GPC5: variants seen among roughly 807,000 people sequenced by gnomAD.
GPC5 encodes glypican-5.
GPC5 carries 47 observed loss-of-function variants against 53.9 expected under a neutral mutation model. That is an observed-to-expected ratio of 0.87 (90% CI 0.69 to 1.11). The LOEUF is 1.11. GPC5 is among the 50% of genes most tolerant of loss of function. The pLI is 0.00. For missense variants in GPC5, 748 were observed against 713.1 expected, an observed-to-expected ratio of 1.05 and a Z score of -0.56; for synonymous variants, 286 against 263.3, an observed-to-expected ratio of 1.09 and a Z score of -0.84.
intron 6 of GPC5, among the ~76,000 whole-genome samples, chr13:92,016,751 A>T (rs1371283117): frequency 6.8e-6 from 1 of 148,124 alleles, no homozygotes; most frequent in African/African-American, 2.5e-5. Flanking sequence ...CTTTTGAGCC[A>T]GAGTTTTGCT....
chr13:92,025,222 T>C (rs1897110713), intron 6 of GPC5, among the ~76,000 whole-genome samples: 1 of 152,174 alleles, frequency 6.6e-6, no homozygotes, highest in African/African-American at 2.4e-5. Flanking sequence ...TAGTTAAGAT[T>C]CTTAACAATT....
chr13:92,297,785 C>T (rs1303539800), intron 7 of GPC5, among the ~76,000 whole-genome samples: 3 of 152,032 alleles, frequency 2.0e-5, no homozygotes, highest in Non-Finnish European at 4.4e-5. Flanking sequence ...TGGCAACCCG[C>T]TCGGGTCCCC....
At chr13:92,252,472 A>AT (rs1243294090) in intron 7 of GPC5, among the ~76,000 whole-genome samples, 1 of 151,952 alleles carries the variant, frequency 6.6e-6, no homozygotes, top group Non-Finnish European at 1.5e-5. Flanking sequence ...ATACTTTTTT[A>AT]TTTTTTGTGC....
In GPC5 at chr13:92,866,553, T is replaced by C; in HGVS notation, c.*114T>C. ...TAACAATTATATTTATGAAAAGATATGTTACACTAACTTCTCAGAAGCCAA... is the reference window on the plus strand; with the variant it reads ...TAACAATTATATTTATGAAAAGATACGTTACACTAACTTCTCAGAAGCCAA... On this transcript the variant is annotated 3_prime_UTR_variant, in exon 8 of 8. Transcript: ENST00000377067. 1.1e-6 allele frequency: 1 copy of C among 904,984 alleles called. No individual in the cohort carries two copies. 56.1% of individuals were successfully genotyped at this position (904,984 alleles called of 1,614,324 possible).
intron 4 of GPC5, 45 bp downstream of exon 4, chr13:91,728,710 C>A: frequency 3.2e-6 from 5 of 1,570,718 alleles, no homozygotes; most frequent in South Asian, 2.4e-5. Context: ...GAAAGTAAGC[C>A]ATTAATTTTA....
chr13:92,301,657 CT>C (rs1566528154), intron 7 of GPC5, among the ~76,000 whole-genome samples: 1 of 151,922 alleles, frequency 6.6e-6, no homozygotes, highest in Admixed American at 6.6e-5. Flanking sequence ...GAGACCAAGG[CT>C]TATGGATCAC....
chr13:92,645,422 A>T (rs1363344098), intron 7 of GPC5, among the ~76,000 whole-genome samples: 1 of 152,198 alleles, frequency 6.6e-6, no homozygotes, highest in South Asian at 2.1e-4. Flanking sequence ...TGTGTTTTCT[A>T]TAATTTAATA....
intron 7 of GPC5, among the ~76,000 whole-genome samples, chr13:92,225,043 A>C (rs145849290): frequency 8.1e-4 from 124 of 152,172 alleles, no homozygotes; most frequent in African/African-American, 2.9e-3. Flanking sequence ...TCCATCTTCT[A>C]TACCTTTGCT....
At chr13:92,231,016 A>C in intron 7 of GPC5, among the ~76,000 whole-genome samples, 1 of 152,332 alleles carries the variant, frequency 6.6e-6, no homozygotes, top group South Asian at 2.1e-4. Flanking sequence ...GCTTTGCAGT[A>C]AGATAGCCAA....
chr13:92,265,888 G>A (rs1209030226), intron 7 of GPC5, among the ~76,000 whole-genome samples: 1 of 152,184 alleles, frequency 6.6e-6, no homozygotes, highest in Non-Finnish European at 1.5e-5. Context: ...AGATCAAGGG[G>A]CCAGCACCTG....
chr13:92,819,983 C>G (rs1382880605), intron 7 of GPC5, among the ~76,000 whole-genome samples: 1 of 152,006 alleles, frequency 6.6e-6, no homozygotes, highest in Non-Finnish European at 1.5e-5. Context: ...ATGTCCATAC[C>G]CCATTTTTTG....
chr13:91,411,954 C>A lies in GPC5; in HGVS notation c.163+12745C>A, dbSNP rs1877825690. Among the ~76,000 whole-genome samples the A allele has an allele frequency of 2.0e-5, 3 of 152,302 alleles. No individual in the cohort carries two copies. In the East Asian group the frequency reaches 5.8e-4, roughly 29 times the overall value. ...TTTTAGAAGTTCTAGTCAATAATTT[C>A]TTTACTCACATTCAGTTGCTTCATA... On this transcript the variant is annotated intron_variant, in intron 1 of 7. Coordinates refer to ENST00000377067, the MANE Select transcript of GPC5 (RefSeq NM_004466.6).
At chr13:92,737,766 C>CTTTTTCT (rs1888977899) in intron 7 of GPC5, among the ~76,000 whole-genome samples, 1 of 102,132 alleles carries the variant, frequency 9.8e-6, no homozygotes, top group African/African-American at 3.8e-5. Flanking sequence ...TTTTCTTTTT[C>CTTTTTCT]TTTTTTTTTT....
chr13:91,816,296 G>A (rs2038399133), intron 5 of GPC5, among the ~76,000 whole-genome samples: 1 of 152,108 alleles, frequency 6.6e-6, no homozygotes, highest in Admixed American at 6.5e-5. Context: ...GCATTGGAAA[G>A]TATTGTTGAG....
At chr13:92,535,668 TA>T (rs11409400) in intron 7 of GPC5, among the ~76,000 whole-genome samples, 15 of 148,022 alleles carry the variant, frequency 1.0e-4, no homozygotes, top group East Asian at 1.0e-3. Flanking sequence ...CTATGTTTAT[TA>T]AAAAAAAAAA....
At chr13:92,180,144 A>T (rs1313777048) in intron 7 of GPC5, among the ~76,000 whole-genome samples, 1 of 152,194 alleles carries the variant, frequency 6.6e-6, no homozygotes, top group Non-Finnish European at 1.5e-5. Context: ...GTGGTCCAGG[A>T]TACCCAGCTT....
In GPC5 at chr13:91,718,099, T is replaced by TTTGTTGTTG. The variant is rs200812685; in HGVS notation, c.1021-10411_1021-10403dup. On this transcript the variant is annotated intron_variant, in intron 3 of 7. Transcript: ENST00000377067. ...CTTAGCCTCCCACTTTCCCCTAATC[T>TTTGTTGTTG]TTGTTGTTGTTGTTGTTGTTGTTGT... Among the ~76,000 whole-genome samples, 1,136 of 151,352 alleles carry TTTGTTGTTG rather than the reference T, an allele frequency of 7.5e-3. 10 individuals are homozygous for TTTGTTGTTG. Among genetic ancestry groups the TTTGTTGTTG allele is most frequent in the African/African-American group, 0.023 (929 of 41,278 alleles).
At chr13:92,253,257 A>G (rs1594039154) in intron 7 of GPC5, among the ~76,000 whole-genome samples, 2 of 152,052 alleles carry the variant, frequency 1.3e-5, no homozygotes, top group East Asian at 3.9e-4. Flanking sequence ...ACCAGACTAG[A>G]CAACTGTGGA....
intron 7 of GPC5, among the ~76,000 whole-genome samples, chr13:92,367,384 G>T (rs2043614974): frequency 6.6e-6 from 1 of 152,104 alleles, no homozygotes; most frequent in Admixed American, 6.6e-5. Context: ...ACACAGAAAA[G>T]CCTGTTGCCA....
Sources: allele counts gnomAD v4.1 joint callset (sites outside exome capture counted in the v4.1 genomes callset), GRCh38; gene constraint gnomAD v4.1.1; transcripts MANE v1.5; gene names NCBI Gene and HGNC (gene_info 2026-07-23, HGNC 2026-07-21).